KLHL1: variants seen among roughly 807,000 people sequenced by gnomAD.
KLHL1 encodes the protein kelch-like protein 1.
In KLHL1, 47 loss-of-function variants were observed where a neutral mutation model predicts 77.7. The ratio of observed to expected loss-of-function variants is 0.60; its 90% CI spans 0.48 to 0.77. The LOEUF (loss-of-function observed/expected upper bound fraction) is 0.77, where lower values mean the gene tolerates loss of function less well. Among genes scored for constraint, KLHL1 ranks in the 30% least tolerant of loss-of-function variants. KLHL1 has a pLI of 0.00. For synonymous variants in KLHL1, 360 were observed against 325.2 expected (o/e 1.11, Z -1.15); for missense variants, 925 against 910.8 (o/e 1.02, Z -0.20).
At chr13:69,747,204 A>C (rs772592567) in intron 7 of KLHL1, among the ~76,000 whole-genome samples, 3 of 152,066 alleles carry the variant, frequency 2.0e-5, no homozygotes, top group Non-Finnish European at 4.4e-5. Context: ...TAGGAAGCTT[A>C]CTCAGATAGC....
At chr13:70,004,311 T>C (rs1018560950) in intron 1 of KLHL1, among the ~76,000 whole-genome samples, 5 of 151,898 alleles carry the variant, frequency 3.3e-5, no homozygotes, top group Non-Finnish European at 5.9e-5. Context: ...CCATGACACA[T>C]GACAACAAGA....
intron 4 of KLHL1, among the ~76,000 whole-genome samples, chr13:69,913,474 G>A (rs137882289): frequency 1.1e-4 from 17 of 152,322 alleles, no homozygotes; most frequent in African/African-American, 3.1e-4. Flanking sequence ...CGGTGCACGC[G>A]ATGGGGAGAC....
chr13:70,107,402 C>T lies in KLHL1; in HGVS notation c.298G>A (p.Ala100Thr), dbSNP rs2052344406. ...GGAGCCCCTTGCTGCAGCCTCGTGG[C>T]AACTGGAAGCAGGGTGCCATTCAGC... is the stretch of plus-strand genomic sequence containing the variant. ...NPLNGTLLPV[A>T]TRLQQGAPGQ... The change falls in exon 1 of 11, where the codon GCC becomes ACC. Residue 100 changes from alanine to threonine, a missense_variant. Physicochemically the swap from Ala to Thr is moderately conservative, Grantham distance 58 (BLOSUM62 0). Coordinates refer to ENST00000377844, the MANE Select transcript of KLHL1 (RefSeq NM_020866.3). 1.2e-6 allele frequency: 2 copies of T among 1,613,388 alleles called. No homozygotes were observed. Among genetic ancestry groups the T allele is most frequent in the South Asian group, 2.2e-5 (2 of 91,086 alleles).
chr13:69,795,256 C>G (rs955086510), intron 7 of KLHL1, among the ~76,000 whole-genome samples: 1 of 152,094 alleles, frequency 6.6e-6, no homozygotes, highest in Non-Finnish European at 1.5e-5. Flanking sequence ...CTCTCTTCCC[C>G]CATCAATCTG....
intron 10 of KLHL1, among the ~76,000 whole-genome samples, chr13:69,706,413 A>G (rs1242979240): frequency 6.6e-6 from 1 of 151,936 alleles, no homozygotes; most frequent in African/African-American, 2.4e-5. Flanking sequence ...TGACTAAAAA[A>G]TATTGTTGCT....
chr13:70,022,808 T>A (rs1191559224), intron 1 of KLHL1, among the ~76,000 whole-genome samples: 1 of 32,618 alleles, frequency 3.1e-5, no homozygotes, highest in Non-Finnish European at 8.2e-5. Context: ...TAAGCCTTTT[T>A]TTAATGCCTT....
At chr13:69,715,583 C>T (rs568560633) in intron 9 of KLHL1, among the ~76,000 whole-genome samples, 33 of 151,520 alleles carry the variant, frequency 2.2e-4, no homozygotes, top group Admixed American at 9.9e-4. Context: ...TGCAGTGGCG[C>T]GATCTCGGCT....
At chr13:69,719,343 C>T (rs752003503) in intron 9 of KLHL1, 26 bp downstream of exon 9, 47 of 1,591,278 alleles carry the variant, frequency 3.0e-5, no homozygotes, top group Non-Finnish European at 3.8e-5. Flanking sequence ...GTCTCTTTCG[C>T]TGTAACAGTG....
At chr13:69,881,172 G>T (rs975260408) in intron 5 of KLHL1, among the ~76,000 whole-genome samples, 9 of 151,822 alleles carry the variant, frequency 5.9e-5, no homozygotes, top group Non-Finnish European at 1.3e-4. Context: ...TTTTTCTCCT[G>T]TACTAATCTC....
At chr13:69,967,524 C>A (rs1264720375) in intron 2 of KLHL1, among the ~76,000 whole-genome samples, 1 of 152,104 alleles carries the variant, frequency 6.6e-6, no homozygotes, top group Non-Finnish European at 1.5e-5. Flanking sequence ...GAAAATGATT[C>A]TTGAGATGGT....
At chr13:70,031,857 GGGTT>G (rs1886109908) in intron 1 of KLHL1, among the ~76,000 whole-genome samples, 1 of 152,106 alleles carries the variant, frequency 6.6e-6, no homozygotes, top group African/African-American at 2.4e-5. Flanking sequence ...CATCTAGAAT[GGGTT>G]AACAAAATGT....
intron 6 of KLHL1, among the ~76,000 whole-genome samples, chr13:69,828,962 T>C (rs1426320021): frequency 3.3e-5 from 5 of 150,422 alleles, no homozygotes; most frequent in Admixed American, 6.6e-5. Context: ...AGCCTTTCTC[T>C]ACCTGCTTTG....
chr13:69,842,922 A>ACCAGGCACTTATTATCTT (rs1215528643), intron 5 of KLHL1, among the ~76,000 whole-genome samples: 82 of 151,950 alleles, frequency 5.4e-4, no homozygotes, highest in African/African-American at 1.9e-3. Flanking sequence ...ATCTTAAGTG[A>ACCAGGCACTTATTATCTT]AATAAGCCAG....
chr13:70,047,396 T>C (rs982857361), intron 1 of KLHL1, among the ~76,000 whole-genome samples: 5 of 136,994 alleles, frequency 3.6e-5, no homozygotes, highest in Non-Finnish European at 7.8e-5. Flanking sequence ...AATGGAAATC[T>C]GTTTGTGTGT....
intron 1 of KLHL1, among the ~76,000 whole-genome samples, chr13:69,984,575 C>T (rs1447757151): frequency 6.6e-6 from 1 of 152,178 alleles, no homozygotes; most frequent in Non-Finnish European, 1.5e-5. Context: ...AAATCAGATA[C>T]TGCCTCCTCT....
At chr13:69,813,854 A>G (rs7338022) in intron 6 of KLHL1, among the ~76,000 whole-genome samples, 4,482 of 152,270 alleles carry the variant, frequency 0.029, 226 homozygotes, top group African/African-American at 0.1. Context: ...CTCTATTCCT[A>G]TCAAATTTCC....
intron 6 of KLHL1, among the ~76,000 whole-genome samples, chr13:69,802,599 T>A (rs1488086751): frequency 1.3e-5 from 2 of 152,130 alleles, no homozygotes; most frequent in African/African-American, 4.8e-5. Context: ...ATCTATAGAA[T>A]ACAGACATTG....
At chr13:70,101,308 C>A (rs976549608) in intron 1 of KLHL1, among the ~76,000 whole-genome samples, 1 of 151,814 alleles carries the variant, frequency 6.6e-6, no homozygotes, top group Non-Finnish European at 1.5e-5. Context: ...TTTAAAAATT[C>A]CTATTGCATC....
intron 7 of KLHL1, among the ~76,000 whole-genome samples, chr13:69,756,122 C>A (rs181240220): frequency 1.3e-5 from 2 of 152,194 alleles, no homozygotes; most frequent in African/African-American, 4.8e-5. Context: ...AGTAAGTTGA[C>A]CCCCACCCTT....
Sources: gnomAD v4.1 joint callset for allele counts (sites outside exome capture counted in the v4.1 genomes callset) on GRCh38, gnomAD v4.1.1 for gene constraint, MANE v1.5 for transcripts, NCBI Gene and HGNC (gene_info 2026-07-23, HGNC 2026-07-21) for gene names.